FAAH2: variants seen among roughly 807,000 people sequenced by gnomAD.
FAAH2 encodes fatty-acid amide hydrolase 2.
Under a neutral mutation model 36.9 loss-of-function variants are expected in FAAH2, and 60 were observed. The ratio of observed to expected loss-of-function variants is 1.63; its 90% CI spans 1.32 to 2.02. The LOEUF (loss-of-function observed/expected upper bound fraction) is 2.02, where lower values mean the gene tolerates loss of function less well. FAAH2 is among the 30% of genes most tolerant of loss of function. The pLI, the probability that FAAH2 is intolerant of heterozygous loss-of-function variation, is 0.00. For synonymous variants in FAAH2, 214 were observed against 143.8 expected, an observed-to-expected ratio of 1.49 and a Z score of -3.49; for missense variants, 689 against 397.5, an observed-to-expected ratio of 1.73 and a Z score of -6.23.
chrX:57,163,161 G>T, the FAAH2 span, among the ~76,000 whole-genome samples: 4 of 112,265 alleles, frequency 3.6e-5, no homozygotes, highest in South Asian at 3.7e-4. Flanking sequence ...GTGACTCCCA[G>T]TTATGCTGCT....
intron 5 of FAAH2, among the ~76,000 whole-genome samples, chrX:57,343,554 T>G (rs2053744247): frequency 9.0e-6 from 1 of 111,674 alleles, no homozygotes; most frequent in Admixed American, 9.5e-5. Context: ...GAATATTTTC[T>G]CCCATTCTGT....
the FAAH2 span, among the ~76,000 whole-genome samples, chrX:57,245,859 C>A: frequency 3.6e-5 from 4 of 111,023 alleles, no homozygotes; most frequent in African/African-American, 1.3e-4. Flanking sequence ...TATCAGAAGA[C>A]AAGAAATAAC....
chrX:57,392,766 C>T (rs2015312), intron 7 of FAAH2: 187,309 of 610,872 alleles, frequency 0.31, 22,167 homozygotes, highest in Middle Eastern at 0.59. Context: ...AGCCCCGATG[C>T]TGGCATGGAT....
chrX:57,421,804 G>T (rs1389466190), intron 7 of FAAH2, among the ~76,000 whole-genome samples: 1 of 112,000 alleles, frequency 8.9e-6, no homozygotes, highest in Non-Finnish European at 1.9e-5. Flanking sequence ...TGTGAAATGA[G>T]TTCCTTGATT....
the FAAH2 span, among the ~76,000 whole-genome samples, chrX:57,267,683 AG>A: frequency 8.9e-6 from 1 of 112,000 alleles, no homozygotes; most frequent in South Asian, 3.7e-4. Flanking sequence ...CAGAGAACAA[AG>A]GGCCCAATAC....
the FAAH2 span, among the ~76,000 whole-genome samples, chrX:57,190,718 G>T: frequency 9.1e-6 from 1 of 109,769 alleles, no homozygotes; most frequent in African/African-American, 3.3e-5. Flanking sequence ...ACCCTCCTTG[G>T]GATGCATCCA....
chrX:57,274,457 G>A, the FAAH2 span, among the ~76,000 whole-genome samples: 4 of 111,842 alleles, frequency 3.6e-5, no homozygotes, highest in Admixed American at 9.5e-5. Context: ...AACAAAAAGA[G>A]AAAACTTCAG....
At chrX:57,334,135 C>A (rs1228094934) in intron 4 of FAAH2, among the ~76,000 whole-genome samples, 3 of 109,866 alleles carry the variant, frequency 2.7e-5, no homozygotes, top group Non-Finnish European at 5.7e-5. Context: ...CCAGGCCTGG[C>A]AGCAGGTGCC....
At chrX:57,161,199 G>A in the FAAH2 span, among the ~76,000 whole-genome samples, 1 of 112,100 alleles carries the variant, frequency 8.9e-6, no homozygotes, top group Non-Finnish European at 1.9e-5. Context: ...CTGAGTTCTA[G>A]TTTGATTGCA....
chrX:57,461,562 A>G (rs1346072107), intron 10 of FAAH2, among the ~76,000 whole-genome samples: 1 of 111,664 alleles, frequency 9.0e-6, no homozygotes, highest in Non-Finnish European at 1.9e-5. Context: ...CTGGGTAAAT[A>G]ACAAAATTAA....
intron 3 of FAAH2, among the ~76,000 whole-genome samples, chrX:57,324,560 C>T (rs1213633929): frequency 9.0e-6 from 1 of 111,510 alleles, no homozygotes; most frequent in Non-Finnish European, 1.9e-5. Flanking sequence ...CTTCACATTC[C>T]TTGTAAGTTG....
At chrX:57,484,320 C>T (rs1388335660) in intron 10 of FAAH2, among the ~76,000 whole-genome samples, 1 of 111,057 alleles carries the variant, frequency 9.0e-6, no homozygotes, top group African/African-American at 3.3e-5. Flanking sequence ...GGCTTGCCCA[C>T]AAATACTCCA....
At chrX:57,443,914 G>A (rs190932348) in intron 8 of FAAH2, among the ~76,000 whole-genome samples, 3 of 112,125 alleles carry the variant, frequency 2.7e-5, no homozygotes, top group Non-Finnish European at 5.6e-5. Flanking sequence ...ACCAGCAGAG[G>A]CTGCAGAACA....
chrX:57,140,194 A>G, the FAAH2 span, among the ~76,000 whole-genome samples: 2 of 110,711 alleles, frequency 1.8e-5, no homozygotes, highest in Non-Finnish European at 3.8e-5. Context: ...TGTTGGTTTT[A>G]TAAATAAAAT....
intron 5 of FAAH2, among the ~76,000 whole-genome samples, chrX:57,343,131 G>T (rs1035282823): frequency 1.8e-5 from 2 of 111,266 alleles, no homozygotes; most frequent in African/African-American, 6.5e-5. Flanking sequence ...TTTCCTTGGA[G>T]TATATATCTG....
intron 7 of FAAH2, chrX:57,394,272 C>T (rs963298614): frequency 2.8e-5 from 24 of 851,758 alleles, no homozygotes; most frequent in South Asian, 1.8e-4. Context: ...TGCACCAGCC[C>T]GATTGTAGTC....
the FAAH2 span, among the ~76,000 whole-genome samples, chrX:57,207,116 T>A: frequency 7.9e-4 from 88 of 110,786 alleles, no homozygotes; most frequent in African/African-American, 2.7e-3. Flanking sequence ...CTTGCAAATT[T>A]TTTTCTAGTC....
chrX:57,137,094 T>C, the FAAH2 span: 90 of 778,242 alleles, frequency 1.2e-4, no homozygotes, highest in African/African-American at 3.2e-4. Flanking sequence ...TTCCCTGTCG[T>C]CCACCGCACT....
chrX:57,398,129 AC>A (rs1355533151), intron 7 of FAAH2, among the ~76,000 whole-genome samples: 2 of 111,784 alleles, frequency 1.8e-5, no homozygotes, highest in African/African-American at 6.5e-5. Flanking sequence ...ATACCATTTG[AC>A]CCAGCCGTCC....
Sources: gnomAD v4.1 joint callset for allele counts (sites outside exome capture counted in the v4.1 genomes callset) on GRCh38, gnomAD v4.1.1 for gene constraint, MANE v1.5 for transcripts, NCBI Gene and HGNC (gene_info 2026-07-23, HGNC 2026-07-21) for gene names.